Variants in MLIP observed in about 807,000 individuals in gnomAD.
MLIP encodes the protein muscular LMNA-interacting protein.
Under a neutral mutation model 84.8 loss-of-function variants are expected in MLIP, and 79 were observed. The observed-to-expected ratio is 0.93, with a 90% CI of 0.78 to 1.12. The LOEUF (loss-of-function observed/expected upper bound fraction) is 1.12, where lower values mean the gene tolerates loss of function less well. Among genes scored for constraint, MLIP ranks in the 50% most tolerant of loss-of-function variants. The pLI, the probability that MLIP is intolerant of heterozygous loss-of-function variation, is 0.00. For missense variants in MLIP, 1,257 were observed against 1,160.6 expected (o/e 1.08, Z -1.21); for synonymous variants, 504 against 463.0 (o/e 1.09, Z -1.14).
chr6:54,160,567 A>T lies in MLIP; in HGVS notation c.2407A>T (p.Ile803Phe), dbSNP rs766745173. The change falls in exon 7 of 14, where the codon ATT becomes TTT. Residue 803 changes from isoleucine (I) to phenylalanine (F), a missense_variant. Coordinates refer to ENST00000502396, the MANE Select transcript of MLIP (RefSeq NM_001281747.2). ...RQQTEELCAT[I>F]DKVLQDSLSM... ...GCAAACTGAAGAGCTCTGTGCTACC[A>T]TTGATAAGGTCTTACAGGATTCCTT... 1.9e-6 allele frequency: 3 copies of T among 1,612,346 alleles called. No individual in the cohort carries two copies. The highest frequency in any genetic ancestry group is 1.7e-6 in the Non-Finnish European group (2 of 1,178,978).
intron 1 of MLIP, among the ~76,000 whole-genome samples, chr6:54,089,918 T>G (rs184087563): frequency 4.6e-5 from 7 of 150,746 alleles, no homozygotes; most frequent in South Asian, 2.1e-4. Context: ...AGCTTTCTTA[T>G]AGCAGTAGGG....
intron 13 of MLIP, among the ~76,000 whole-genome samples, chr6:54,265,468 G>T (rs1340159390): frequency 6.6e-6 from 1 of 152,084 alleles, no homozygotes; most frequent in Non-Finnish European, 1.5e-5. Context: ...GAGGTTATTT[G>T]GTCTTGGTCT....
At chr6:54,190,664 T>C (rs1032051153) in intron 10 of MLIP, among the ~76,000 whole-genome samples, 1 of 152,180 alleles carries the variant, frequency 6.6e-6, no homozygotes, top group African/African-American at 2.4e-5. Context: ...TAAAATCTGT[T>C]ATTTGAAGAT....
At chr6:54,252,036 CAT>C (rs1290456750) in intron 12 of MLIP, among the ~76,000 whole-genome samples, 61 of 77,158 alleles carry the variant, frequency 7.9e-4, no homozygotes, top group African/African-American at 9.6e-4. Context: ...TATATTATAA[CAT>C]ATAATATATA....
At chr6:54,097,773 C>G (rs923038609) in intron 1 of MLIP, among the ~76,000 whole-genome samples, 2 of 152,048 alleles carry the variant, frequency 1.3e-5, no homozygotes, top group Non-Finnish European at 2.9e-5. Flanking sequence ...TTTAATGGAG[C>G]CTAACAGGTA....
At chr6:54,093,760 C>G (rs1768022498) in intron 1 of MLIP, among the ~76,000 whole-genome samples, 1 of 152,210 alleles carries the variant, frequency 6.6e-6, no homozygotes, top group Admixed American at 6.5e-5. Context: ...CTGTGACCCA[C>G]CAGGCTAAAG....
intron 11 of MLIP, among the ~76,000 whole-genome samples, chr6:54,218,599 A>G (rs1267012810): frequency 1.3e-5 from 2 of 152,050 alleles, no homozygotes; most frequent in Admixed American, 6.5e-5. Context: ...GGCTCACTGC[A>G]GCCTTCATCT....
chr6:54,039,254 T>C (rs1343210058), intron 1 of MLIP, among the ~76,000 whole-genome samples: 1 of 151,950 alleles, frequency 6.6e-6, no homozygotes, highest in Non-Finnish European at 1.5e-5. Flanking sequence ...CTAGAGAAAA[T>C]GGAAATGTGT....
At chr6:54,111,397 G>C, upstream of MLIP, 1 of 1,507,722 alleles carries the variant, frequency 6.6e-7, no homozygotes, top group Non-Finnish European at 8.8e-7. Context: ...TTCTTTCTGC[G>C]TGAGTGTGTG....
At chr6:54,165,987 A>G (rs1172984367) in intron 8 of MLIP, among the ~76,000 whole-genome samples, 1 of 151,888 alleles carries the variant, frequency 6.6e-6, no homozygotes, top group African/African-American at 2.4e-5. Flanking sequence ...CCCTCACCAG[A>G]CACCAAATCT....
intron 12 of MLIP, among the ~76,000 whole-genome samples, chr6:54,247,226 G>A (rs1782141685): frequency 6.6e-6 from 1 of 152,136 alleles, no homozygotes; most frequent in Non-Finnish European, 1.5e-5. Context: ...ATTCTCAAAA[G>A]ATCTCACTCT....
chr6:54,210,132 T>TCACCGCACCG (rs1465493033), intron 11 of MLIP, among the ~76,000 whole-genome samples: 829 of 151,086 alleles, frequency 5.5e-3, no homozygotes, highest in African/African-American at 0.018. Context: ...CCTGCCCACC[T>TCACCGCACCG]CACCTCACCG....
intron 2 of MLIP, among the ~76,000 whole-genome samples, chr6:54,122,892 C>T (rs1246950383): frequency 1.3e-5 from 2 of 151,926 alleles, no homozygotes; most frequent in Non-Finnish European, 2.9e-5. Context: ...ATCTCTTAGA[C>T]AGTTCAACAT....
chr6:54,263,720 T>TAA (rs56266816), intron 13 of MLIP, among the ~76,000 whole-genome samples: 20 of 151,292 alleles, frequency 1.3e-4, no homozygotes, highest in African/African-American at 4.4e-4. Context: ...ACTCTGAATT[T>TAA]AAAAAAAAAC....
At chr6:54,179,784 A>G (rs111319712) in intron 9 of MLIP, among the ~76,000 whole-genome samples, 1 of 152,118 alleles carries the variant, frequency 6.6e-6, no homozygotes, top group African/African-American at 2.4e-5. Flanking sequence ...TGTAATTATT[A>G]TTTTTGACTG....
intron 1 of MLIP, chr6:54,083,386 C>T: frequency 7.8e-7 from 1 of 1,276,728 alleles, no homozygotes. Context: ...ATTGCTATTT[C>T]CAGTCCAGAG....
At chr6:54,145,507 C>T (rs1197382264) in intron 4 of MLIP, among the ~76,000 whole-genome samples, 1 of 152,012 alleles carries the variant, frequency 6.6e-6, no homozygotes. Flanking sequence ...CATGGTGGCT[C>T]ACGCCTGTAA....
At chr6:54,262,921 C>G (rs970935505) in intron 13 of MLIP, among the ~76,000 whole-genome samples, 4 of 152,024 alleles carry the variant, frequency 2.6e-5, no homozygotes, top group African/African-American at 7.2e-5. Flanking sequence ...GAGTCTGGTT[C>G]TGAAGTAGCC....
chr6:54,073,262 T>A (rs1454270598), intron 1 of MLIP, among the ~76,000 whole-genome samples: 1 of 152,198 alleles, frequency 6.6e-6, no homozygotes, highest in Non-Finnish European at 1.5e-5. Flanking sequence ...GCTTTCAGGT[T>A]TTCGTAGTTA....
Sources: allele counts gnomAD v4.1 joint callset (sites outside exome capture counted in the v4.1 genomes callset), GRCh38; gene constraint gnomAD v4.1.1; transcripts MANE v1.5; gene names NCBI Gene and HGNC (gene_info 2026-07-23, HGNC 2026-07-21).